The following TRMT9B variants were observed in gnomAD, a reference collection of about 807,000 sequenced individuals.
TRMT9B encodes probable tRNA methyltransferase 9B.
A neutral mutation model predicts 11.5 loss-of-function variants in TRMT9B; 16 were observed. The ratio of observed to expected loss-of-function variants is 1.39; its 90% CI spans 0.94 to 2.11. TRMT9B has a LOEUF of 2.11. Ranked by LOEUF, TRMT9B falls within the 30% of genes most tolerant of loss-of-function variation. TRMT9B has a pLI of 0.00. For missense variants in TRMT9B, 941 were observed against 553.8 expected, an observed-to-expected ratio of 1.70 and a Z score of -7.02; for synonymous variants, 274 against 192.4, an observed-to-expected ratio of 1.42 and a Z score of -3.51.
At position 13,012,812 on chromosome 8, in the gene TRMT9B, C is replaced by G; in HGVS notation, c.283C>G (p.Leu95Val). ...AGCCATGGTATGTGACAACCTTAAT[C>G]TCCCCTTTAGGGATGAGGGCTTCGA... The part of the protein sequence containing the change: ...CEAMVCDNLN[L>V]PFRDEGFDAI... Residue 95 changes from leucine to valine, a missense_variant, in exon 4 of 5, where the codon CTC becomes GTC. Coordinates refer to ENST00000524591, the MANE Select transcript of TRMT9B (RefSeq NM_020844.3). 1 of 1,613,938 alleles carries G rather than the reference C, an allele frequency of 6.2e-7. No individual in the cohort carries two copies. Among genetic ancestry groups the G allele is most frequent in the South Asian group, 1.1e-5 (1 of 91,076 alleles).
chr8:12,973,270 G>A (rs1334838447), intron 1 of TRMT9B, among the ~76,000 whole-genome samples: 1 of 152,014 alleles, frequency 6.6e-6, no homozygotes, highest in Non-Finnish European at 1.5e-5. Context: ...GATTTTTTTT[G>A]GCATGCTCTG....
intron 2 of TRMT9B, among the ~76,000 whole-genome samples, chr8:13,000,595 T>G (rs1248652026): frequency 6.6e-6 from 1 of 152,210 alleles, no homozygotes; most frequent in African/African-American, 2.4e-5. Flanking sequence ...CTCAGTCTCA[T>G]TTATGTTTTT....
intron 2 of TRMT9B, among the ~76,000 whole-genome samples, chr8:12,999,311 A>G (rs1288822770): frequency 1.8e-3 from 264 of 148,144 alleles, no homozygotes; most frequent in African/African-American, 6.4e-3. Context: ...AAAAAAAAAA[A>G]AAAAGAAAAG....
At chr8:12,954,313 T>C (rs1020662867) in intron 1 of TRMT9B, among the ~76,000 whole-genome samples, 15 of 152,274 alleles carry the variant, frequency 9.9e-5, no homozygotes, top group African/African-American at 3.1e-4. Flanking sequence ...AAAGAATTTA[T>C]ATGCTCCTTT....
rs565593321 is a variant in TRMT9B at position 12,985,718 on chromosome 8, C to G, written c.-199-5116C>G. 6.6e-5 allele frequency among the ~76,000 whole-genome samples: 10 copies of G among 152,046 alleles called. No homozygotes were observed. In the South Asian group the frequency reaches 8.3e-4, roughly 13 times the overall value. On this transcript the variant is annotated intron_variant, in intron 1 of 4. Transcript: ENST00000524591. ...GCTCTATCATACATGGCTAGCCTCT[C>G]CTCTAATGCTGACATCTATGGGACT...
intron 1 of TRMT9B, among the ~76,000 whole-genome samples, chr8:12,963,799 C>T (rs1157489177): frequency 1.1e-4 from 16 of 152,314 alleles, no homozygotes; most frequent in Admixed American, 9.8e-4. Flanking sequence ...GCAATGGCTA[C>T]TTTCATTTAA....
Position 13,023,529 on chromosome 8 carries a change from C to G in TRMT9B, c.*1485C>G, listed in dbSNP as rs553472. On this transcript the variant is annotated 3_prime_UTR_variant, in exon 5 of 5. Coordinates refer to ENST00000524591, the MANE Select transcript of TRMT9B (RefSeq NM_020844.3). ...ACTGTTTAGATTTGCCCATGGGTCTCTTTAAATCTATGTCATGGATCCTGA... is the reference window on the plus strand; with the variant it reads ...ACTGTTTAGATTTGCCCATGGGTCTGTTTAAATCTATGTCATGGATCCTGA... The G allele has an allele frequency of 0.99, 166,027 of 167,194 alleles. 82,454 individuals carry two copies. The highest frequency in any genetic ancestry group is 1 in the Middle Eastern group (296 of 296). 10.4% of individuals were successfully genotyped at this position (167,194 alleles called of 1,614,324 possible).
Position 13,026,317 on chromosome 8 carries a change from A to T in TRMT9B, c.*4273A>T, listed in dbSNP as rs1193574061. ...CCGCATGTTCTCACTCATAGGTGGGAATTGAACAATGAGAACACATGGACA... is the reference window on the plus strand; with the variant it reads ...CCGCATGTTCTCACTCATAGGTGGGTATTGAACAATGAGAACACATGGACA... On this transcript the variant is annotated 3_prime_UTR_variant, in exon 5 of 5. Coordinates refer to ENST00000524591, the MANE Select transcript of TRMT9B (RefSeq NM_020844.3). 3 of 167,170 alleles carry T rather than the reference A, an allele frequency of 1.8e-5. No individual in the cohort carries two copies. Among genetic ancestry groups the T allele is most frequent in the Non-Finnish European group, 4.4e-5 (3 of 68,170 alleles). The allele number at this position is 167,170 out of a possible 1,614,324, so 10.4% of individuals were successfully genotyped here.
intron 2 of TRMT9B, among the ~76,000 whole-genome samples, chr8:13,003,334 A>G (rs1333172292): frequency 1.3e-5 from 2 of 152,152 alleles, no homozygotes; most frequent in African/African-American, 2.4e-5. Flanking sequence ...ACATGCCAAA[A>G]TAGAATAGAA....
At chr8:12,984,873 C>T (rs1441402052) in intron 1 of TRMT9B, among the ~76,000 whole-genome samples, 4 of 151,794 alleles carry the variant, frequency 2.6e-5, no homozygotes, top group Admixed American at 2.6e-4. Context: ...CCTTTGGTAA[C>T]TGATCTCATG....
chr8:12,995,232 C>G (rs1808128301), intron 2 of TRMT9B, among the ~76,000 whole-genome samples: 1 of 152,158 alleles, frequency 6.6e-6, no homozygotes, highest in Admixed American at 6.5e-5. Flanking sequence ...TTTCTTAACA[C>G]AAAGCTTCAA....
chr8:12,986,971 C>T (rs1806421135), intron 1 of TRMT9B, among the ~76,000 whole-genome samples: 1 of 152,224 alleles, frequency 6.6e-6, no homozygotes. Context: ...CAACTTTTGT[C>T]ATTCTTCTTG....
intron 1 of TRMT9B, among the ~76,000 whole-genome samples, chr8:12,955,457 C>T (rs1026732877): frequency 4.6e-5 from 7 of 151,984 alleles, no homozygotes; most frequent in East Asian, 1.9e-4. Context: ...CTAGGGGTCC[C>T]GATCATTATT....
intron 1 of TRMT9B, among the ~76,000 whole-genome samples, chr8:12,987,793 C>G (rs1806591592): frequency 6.6e-6 from 1 of 152,168 alleles, no homozygotes; most frequent in Admixed American, 6.5e-5. Flanking sequence ...TAGCCGACAG[C>G]TGGGCAAAAT....
chr8:12,972,770 G>A (rs1392290520), intron 1 of TRMT9B, among the ~76,000 whole-genome samples: 1 of 152,194 alleles, frequency 6.6e-6, no homozygotes, highest in African/African-American at 2.4e-5. Flanking sequence ...CTAGTTGCTA[G>A]ACTACCTCAG....
intron 2 of TRMT9B, among the ~76,000 whole-genome samples, chr8:13,005,686 C>T (rs1810331231): frequency 6.6e-6 from 1 of 152,114 alleles, no homozygotes; most frequent in Non-Finnish European, 1.5e-5. Flanking sequence ...AACCGTTTTG[C>T]CAGCTGTTGA....
rs374565984 is a variant in TRMT9B at position 13,021,784 on chromosome 8, A to T, written c.1105A>T (p.Asn369Tyr). 1.9e-6 allele frequency: 3 copies of T among 1,613,920 alleles called. No homozygotes were observed. Among genetic ancestry groups the T allele is most frequent in the East Asian group, 4.5e-5 (2 of 44,874 alleles). ...GGATGCAGGCAACATAGAAGATGAT[A>T]ATCCTTCTGCTAGTAAAATATTGAG... ...CVDAGNIEDD[N>Y]PSASKILRRI... The change falls in exon 5 of 5, where the codon AAT becomes TAT. Residue 369 changes from asparagine to tyrosine, a missense_variant. Asn to Tyr is a moderately radical substitution (Grantham distance 143). Transcript: ENST00000524591.
chr8:13,015,055 T>C (rs890784329), intron 4 of TRMT9B, among the ~76,000 whole-genome samples: 5 of 141,526 alleles, frequency 3.5e-5, no homozygotes, highest in Non-Finnish European at 4.6e-5. Flanking sequence ...TGAGACTCCA[T>C]CTGAAATAAA....
At chr8:12,993,625 C>T (rs960244902) in intron 2 of TRMT9B, among the ~76,000 whole-genome samples, 6 of 152,202 alleles carry the variant, frequency 3.9e-5, no homozygotes, top group South Asian at 2.1e-4. Context: ...GGTGCCAGCA[C>T]TGTGACAACT....
Sources: gnomAD v4.1 joint callset for allele counts (sites outside exome capture counted in the v4.1 genomes callset) on GRCh38, gnomAD v4.1.1 for gene constraint, MANE v1.5 for transcripts, NCBI Gene and HGNC (gene_info 2026-07-23, HGNC 2026-07-21) for gene names.